The following DMD variants were observed in gnomAD, a reference collection of about 807,000 sequenced individuals.
The protein encoded by DMD is mutant dystrophin.
Under a neutral mutation model 330.1 loss-of-function variants are expected in DMD, and 63 were observed. The ratio of observed to expected loss-of-function variants is 0.19; its 90% CI spans 0.16 to 0.24. The LOEUF is 0.24. DMD is among the 10% of genes least tolerant of loss of function. The probability of loss-of-function intolerance (pLI) is 1.00; values close to 1 mark genes in which losing one functional copy is unlikely to be tolerated. For missense variants in DMD, 3,344 were observed against 2,684.1 expected, an observed-to-expected ratio of 1.25 and a Z score of -5.43; for synonymous variants, 1,223 against 959.8, an observed-to-expected ratio of 1.27 and a Z score of -5.07.
intron 60 of DMD, among the ~76,000 whole-genome samples, chrX:31,382,287 C>T (rs2060220244): frequency 9.0e-6 from 1 of 111,709 alleles, no homozygotes; most frequent in Non-Finnish European, 1.9e-5. Flanking sequence ...TGTATGGACG[C>T]TCCTTTTTAT....
At position 31,729,671 on chromosome X, in the gene DMD, C is replaced by T. The variant is rs1331437410; in HGVS notation, c.7620G>A (p.Lys2540=). Residue 2540 remains lysine (K), a synonymous_variant, in exon 52 of 79, where the codon AAG becomes AAA. Coordinates refer to ENST00000357033, the MANE Select transcript of DMD (RefSeq NM_004006.3). ...TTGTTCTAGCCTCTTGATTGCTGGT[C>T]TTGTTTTTCAAATTTTGGGCAGCGG... ...LITAAQNLKN[K]TSNQEARTII... 3.3e-6 allele frequency: 4 copies of T among 1,211,544 alleles called. No individual in the cohort carries two copies. Among genetic ancestry groups the T allele is most frequent in the South Asian group, 1.8e-5 (1 of 56,999 alleles).
chrX:31,634,551 A>AT (rs1012988880), intron 54 of DMD, among the ~76,000 whole-genome samples: 2 of 111,715 alleles, frequency 1.8e-5, no homozygotes, highest in Non-Finnish European at 3.8e-5. Flanking sequence ...CAGACATTTT[A>AT]TTTTTTAAAA....
chrX:31,587,562 T>G (rs774997668), intron 55 of DMD, among the ~76,000 whole-genome samples: 33 of 112,453 alleles, frequency 2.9e-4, no homozygotes, highest in Non-Finnish European at 4.3e-4. Context: ...AGTTCATGCA[T>G]GCTGGCAAAG....
At chrX:32,825,257 T>A (rs2078604388) in intron 4 of DMD, among the ~76,000 whole-genome samples, 2 of 111,396 alleles carry the variant, frequency 1.8e-5, no homozygotes, top group Non-Finnish European at 1.9e-5. Flanking sequence ...CTGGGGAGAC[T>A]TAGATCAAGT....
Position 33,009,938 on chromosome X carries a change from A to T in DMD, c.93+10201T>A, listed in dbSNP as rs867033629. On this transcript the variant is annotated intron_variant, in intron 2 of 78. Coordinates refer to ENST00000357033, the MANE Select transcript of DMD (RefSeq NM_004006.3). Reference sequence around the variant, plus strand: ...TATATGTGTGTATACACATGTGTGTATATACACGTGTGTATGTGTATATAC... The same window carrying T: ...TATATGTGTGTATACACATGTGTGTTTATACACGTGTGTATGTGTATATAC... Among the ~76,000 whole-genome samples the T allele has an allele frequency of 1.3e-4, 7 of 53,689 alleles. 1 individual carries two copies. Among genetic ancestry groups the T allele is most frequent in the Non-Finnish European group, 2.0e-4 (6 of 30,365 alleles). 46.6% of individuals were successfully genotyped at this position (53,689 alleles called of 115,157 possible). A position where few individuals can be genotyped will look rare whatever the true frequency, so the allele number is the denominator to read the frequency against.
chrX:32,506,677 C>CT (rs2044661174), intron 18 of DMD, among the ~76,000 whole-genome samples: 2 of 111,721 alleles, frequency 1.8e-5, no homozygotes, highest in African/African-American at 6.5e-5. Context: ...GTGACAGACA[C>CT]TTTTTAATAT....
At chrX:31,411,682 G>A (rs1372090139) in intron 60 of DMD, among the ~76,000 whole-genome samples, 2 of 110,900 alleles carry the variant, frequency 1.8e-5, no homozygotes, top group African/African-American at 6.6e-5. Flanking sequence ...CACCCAGGCT[G>A]GAGTGCAGTG....
chrX:32,406,489 T>G (rs982127759), intron 30 of DMD, among the ~76,000 whole-genome samples: 2 of 110,570 alleles, frequency 1.8e-5, no homozygotes, highest in Non-Finnish European at 3.8e-5. Flanking sequence ...TCAAAGGCCT[T>G]TTCTGGATCT....
chrX:32,150,166 G>A (rs2096797259), intron 44 of DMD, among the ~76,000 whole-genome samples: 1 of 112,379 alleles, frequency 8.9e-6, no homozygotes, highest in African/African-American at 3.2e-5. Context: ...AAGGATATGA[G>A]TGGATCAATG....
chrX:31,705,994 C>G (rs1465456736), intron 52 of DMD, among the ~76,000 whole-genome samples: 1 of 111,573 alleles, frequency 9.0e-6, no homozygotes, highest in African/African-American at 3.3e-5. Flanking sequence ...GGCAGAAGCT[C>G]TGGAGATAAA....
chrX:32,603,858 T>G (rs1193101631), intron 12 of DMD, among the ~76,000 whole-genome samples: 4 of 111,026 alleles, frequency 3.6e-5, no homozygotes, highest in Non-Finnish European at 7.6e-5. Context: ...GAATCAGTAA[T>G]AAATATCTCC....
At chrX:32,710,733 A>C (rs1373265333) in intron 7 of DMD, among the ~76,000 whole-genome samples, 1 of 111,318 alleles carries the variant, frequency 9.0e-6, no homozygotes, top group African/African-American at 3.3e-5. Context: ...CAGACTCCTT[A>C]GAACTTTGGA....
intron 42 of DMD, among the ~76,000 whole-genome samples, chrX:32,293,404 T>C (rs2097482061): frequency 9.0e-6 from 1 of 110,762 alleles, no homozygotes; most frequent in African/African-American, 3.3e-5. Context: ...ATAATAGTCA[T>C]CAGACCCAGG....
intron 2 of DMD, among the ~76,000 whole-genome samples, chrX:32,988,051 G>A (rs1477014711): frequency 2.7e-5 from 3 of 110,278 alleles, no homozygotes; most frequent in African/African-American, 6.6e-5. Context: ...CTTAATATCG[G>A]TTTTCTTTTT....
chrX:32,445,255 G>T (rs1000338878), intron 27 of DMD, among the ~76,000 whole-genome samples: 4 of 110,990 alleles, frequency 3.6e-5, no homozygotes, highest in Non-Finnish European at 1.9e-5. Context: ...AGCCAGGTCA[G>T]TGGTGATAAT....
At chrX:32,612,425 G>C (rs1354070058) in intron 12 of DMD, among the ~76,000 whole-genome samples, 1 of 111,605 alleles carries the variant, frequency 9.0e-6, no homozygotes, top group Non-Finnish European at 1.9e-5. Flanking sequence ...ACACAAATTT[G>C]TAAACTTTCT....
At chrX:32,649,011 C>A (rs2059955911) in intron 9 of DMD, among the ~76,000 whole-genome samples, 1 of 111,318 alleles carries the variant, frequency 9.0e-6, no homozygotes, top group Non-Finnish European at 1.9e-5. Flanking sequence ...ATGCTTCAAT[C>A]CTATTTTGTC....
At chrX:32,744,825 A>G (rs2069768591) in intron 7 of DMD, among the ~76,000 whole-genome samples, 1 of 111,754 alleles carries the variant, frequency 8.9e-6, no homozygotes, top group South Asian at 3.7e-4. Context: ...AAAAGATACA[A>G]TTTTTCTCAA....
chrX:32,263,054 G>GA (rs2097329921), intron 43 of DMD, among the ~76,000 whole-genome samples: 1 of 111,917 alleles, frequency 8.9e-6, no homozygotes, highest in Admixed American at 9.5e-5. Context: ...CTATGTCTTA[G>GA]AAAATCCAAT....
Sources: allele counts gnomAD v4.1 joint callset (sites outside exome capture counted in the v4.1 genomes callset), GRCh38; gene constraint gnomAD v4.1.1; transcripts MANE v1.5; gene names NCBI Gene and HGNC (gene_info 2026-07-23, HGNC 2026-07-21).